RIC8B: variants seen among roughly 807,000 people sequenced by gnomAD.
The protein encoded by RIC8B is RIC8 guanine nucleotide exchange factor B, also known as chaperone Ric-8B.
RIC8B carries 16 observed loss-of-function variants against 57.5 expected under a neutral mutation model. That is an observed-to-expected ratio of 0.28 (90% CI 0.19 to 0.42). The LOEUF is 0.42. Ranked by LOEUF, RIC8B falls within the 10% of genes least tolerant of loss-of-function variation. The probability of loss-of-function intolerance (pLI) is 1.00; values close to 1 mark genes in which losing one functional copy is unlikely to be tolerated. For synonymous variants in RIC8B, 216 were observed against 250.8 expected (o/e 0.86, Z 1.31); for missense variants, 481 against 677.0 (o/e 0.71, Z 3.21).
At position 106,814,741 on chromosome 12, in the gene RIC8B, A is replaced by G; in HGVS notation, c.178A>G (p.Thr60Ala). 6.2e-7 allele frequency: 1 copy of G among 1,613,424 alleles called. No individual in the cohort carries two copies. The highest frequency in any genetic ancestry group is 2.2e-5 in the East Asian group (1 of 44,886). ...IFKVLIKDIPTTCQVSCLEVL... is the reference protein window; with the variant it reads ...IFKVLIKDIPATCQVSCLEVL... Reference sequence around the variant, plus strand: ...TAAAGTCCTTATAAAGGACATCCCAACAACATGTCAAGTGTCCTGCCTGGA... The same window carrying G: ...TAAAGTCCTTATAAAGGACATCCCAGCAACATGTCAAGTGTCCTGCCTGGA... Residue 60 changes from threonine (T) to alanine (A), a missense_variant, in exon 3 of 10, where the codon ACA becomes GCA. This residue lies in a region of RIC8B where 421 missense variants were observed against 560.9 expected (regional missense o/e 0.75). Coordinates refer to ENST00000392837, the MANE Select transcript of RIC8B (RefSeq NM_001330145.2).
chr12:106,819,246 G>T (rs920891686), intron 3 of RIC8B, among the ~76,000 whole-genome samples: 1 of 152,134 alleles, frequency 6.6e-6, no homozygotes, highest in African/African-American at 2.4e-5. Flanking sequence ...GCCTCTGGGA[G>T]TAATTGGACA....
At chr12:106,855,950 C>T (rs1267892480) in intron 7 of RIC8B, among the ~76,000 whole-genome samples, 1 of 152,136 alleles carries the variant, frequency 6.6e-6, no homozygotes, top group Non-Finnish European at 1.5e-5. Context: ...CATTCCCATG[C>T]CCTTCGACCT....
intron 3 of RIC8B, among the ~76,000 whole-genome samples, chr12:106,818,497 G>A (rs973909755): frequency 1.3e-5 from 2 of 152,048 alleles, no homozygotes; most frequent in Non-Finnish European, 2.9e-5. Flanking sequence ...GGTCTTGTCT[G>A]TTGCCTAGGC....
chr12:106,887,833 C>T lies in RIC8B; in HGVS notation c.*1818C>T, dbSNP rs1277502354. On this transcript the variant is annotated 3_prime_UTR_variant, in exon 10 of 10. Transcript: ENST00000392837. ...GTACAACAGTATGGCCCGTAGACTA[C>T]TTCCTATAATGGTGACCCTGAGTTT... The T allele has an allele frequency of 6.6e-6, 1 of 152,248 alleles. No individual in the cohort carries two copies. The highest frequency in any genetic ancestry group is 6.5e-5 in the Admixed American group (1 of 15,278). 9.4% of individuals were successfully genotyped at this position (152,248 alleles called of 1,614,324 possible). A position where few individuals can be genotyped will look rare whatever the true frequency, so the allele number is the denominator to read the frequency against.
chr12:106,827,509 T>C (rs978188302), intron 4 of RIC8B, among the ~76,000 whole-genome samples: 7 of 152,242 alleles, frequency 4.6e-5, no homozygotes, highest in Non-Finnish European at 7.3e-5. Context: ...TAAATCCATA[T>C]TATTTTAGTT....
intron 2 of RIC8B, among the ~76,000 whole-genome samples, chr12:106,803,144 C>T (rs756321207): frequency 4.4e-5 from 6 of 134,872 alleles, no homozygotes; most frequent in Admixed American, 8.5e-5. Context: ...CCCCGGAGTT[C>T]GAAGTTACAG....
chr12:106,791,636 A>G (rs894352824), intron 2 of RIC8B, among the ~76,000 whole-genome samples: 4 of 152,190 alleles, frequency 2.6e-5, no homozygotes, highest in African/African-American at 9.6e-5. Flanking sequence ...AGCATATTAG[A>G]GATCTCTGTA....
At chr12:106,826,828 C>T (rs1336389916) in intron 4 of RIC8B, among the ~76,000 whole-genome samples, 2 of 152,058 alleles carry the variant, frequency 1.3e-5, no homozygotes, top group Non-Finnish European at 2.9e-5. Flanking sequence ...TGGCTCATGC[C>T]TGTAATACTA....
At chr12:106,845,098 A>G (rs926782234) in intron 6 of RIC8B, among the ~76,000 whole-genome samples, 1 of 151,630 alleles carries the variant, frequency 6.6e-6, no homozygotes, top group Admixed American at 6.6e-5. Flanking sequence ...TACTATAATC[A>G]CTCCTTTCCA....
intron 4 of RIC8B, among the ~76,000 whole-genome samples, chr12:106,839,742 G>A (rs2046783064): frequency 1.3e-5 from 2 of 152,234 alleles, no homozygotes. Context: ...GGGTTTGGGT[G>A]CAGTGGCTCA....
intron 7 of RIC8B, among the ~76,000 whole-genome samples, chr12:106,854,170 T>A (rs1949617449): frequency 6.6e-6 from 1 of 152,140 alleles, no homozygotes; most frequent in South Asian, 2.1e-4. Context: ...TGTTCCATGT[T>A]TTCAAGAGAA....
chr12:106,792,233 A>G (rs1173100984), intron 2 of RIC8B, among the ~76,000 whole-genome samples: 5 of 152,238 alleles, frequency 3.3e-5, no homozygotes, highest in Admixed American at 3.3e-4. Context: ...TGAATGCTTC[A>G]CGGTAGGTCA....
intron 6 of RIC8B, among the ~76,000 whole-genome samples, chr12:106,844,567 C>A (rs1421541898): frequency 2.0e-5 from 3 of 152,146 alleles, no homozygotes; most frequent in Non-Finnish European, 4.4e-5. Flanking sequence ...CCATTCTCTT[C>A]TAAGTGAGAT....
chr12:106,807,459 G>A (rs2045093830), intron 2 of RIC8B, among the ~76,000 whole-genome samples: 1 of 152,188 alleles, frequency 6.6e-6, no homozygotes, highest in African/African-American at 2.4e-5. Flanking sequence ...AGGCTGGACT[G>A]CCACTTTCAG....
rs559321521 is a variant in RIC8B, at chr12:106,888,304, G to C, written c.*2289G>C. On this transcript the variant is annotated 3_prime_UTR_variant, in exon 10 of 10. Coordinates refer to ENST00000392837, the MANE Select transcript of RIC8B (RefSeq NM_001330145.2). ...TGAAAAGAGAGTTTGCGGGGAAGAAGATGAGAGTGTCTTCATCTGGCACAC... is the reference window on the plus strand; with the variant it reads ...TGAAAAGAGAGTTTGCGGGGAAGAACATGAGAGTGTCTTCATCTGGCACAC... The C allele has an allele frequency of 6.6e-6, 1 of 152,364 alleles. No homozygotes were observed. The highest frequency in any genetic ancestry group is 6.5e-5 in the Admixed American group (1 of 15,308). The allele number at this position is 152,364 out of a possible 1,614,324, so 9.4% of individuals were successfully genotyped here. A position where few individuals can be genotyped will look rare whatever the true frequency, so the allele number is the denominator to read the frequency against.
intron 4 of RIC8B, among the ~76,000 whole-genome samples, chr12:106,839,971 T>G (rs1163393596): frequency 1.3e-5 from 2 of 152,118 alleles, no homozygotes; most frequent in Admixed American, 6.5e-5. Flanking sequence ...TGAGCCATGA[T>G]CATGCCACTG....
chr12:106,870,953 C>T lies in RIC8B; in HGVS notation c.1571+11C>T. ...TGATAAACTTTCCAGGTATTGTATT[C>T]CCATCCATTTTTTGCTTGGTTTCTA... On this transcript the variant is annotated intron_variant, in intron 9 of 9. Coordinates refer to ENST00000392837, the MANE Select transcript of RIC8B (RefSeq NM_001330145.2). 6.5e-7 allele frequency: 1 copy of T among 1,544,486 alleles called. No homozygotes were observed.
intron 2 of RIC8B, among the ~76,000 whole-genome samples, chr12:106,812,445 GTT>G (rs71072694): frequency 6.6e-5 from 9 of 136,938 alleles, no homozygotes; most frequent in Non-Finnish European, 9.6e-5. Context: ...CCTATAGTTT[GTT>G]TTTTTTTTTT....
rs1390981283 is a variant in RIC8B at position 106,842,598 on chromosome 12, C to G, written c.846C>G (p.Val282=). ...DKTEELHSNA[V]NLLSNVPVSC... is the part of the protein sequence containing the mutation. ...TTTAATTGCTTTTCAGCAATGCAGT[C>G]AACCTTTTAAGCAATGTTCCAGTCT... The change falls in exon 5 of 10, where the codon GTC becomes GTG. Residue 282 remains valine (V), a synonymous_variant. Transcript: ENST00000392837. 6.2e-7 allele frequency: 1 copy of G among 1,611,578 alleles called. No individual in the cohort carries two copies. Among genetic ancestry groups the G allele is most frequent in the Non-Finnish European group, 8.5e-7 (1 of 1,178,612 alleles).
Sources: gnomAD v4.1 joint callset for allele counts (sites outside exome capture counted in the v4.1 genomes callset) on GRCh38, gnomAD v4.1.1 for gene constraint, gnomAD v4.1.1 regional missense constraint, MANE v1.5 for transcripts, NCBI Gene and HGNC (gene_info 2026-07-23, HGNC 2026-07-21) for gene names.